The following ZNF33B variants were observed in gnomAD, a reference collection of about 807,000 sequenced individuals.
ZNF33B encodes the protein zinc finger protein 33B.
A neutral mutation model predicts 45.8 loss-of-function variants in ZNF33B; 29 were observed. That is an observed-to-expected ratio of 0.63 (90% CI 0.47 to 0.86). The LOEUF (loss-of-function observed/expected upper bound fraction) is 0.86. Among genes scored for constraint, ZNF33B ranks in the 40% least tolerant of loss-of-function variants. The pLI, the probability that ZNF33B is intolerant of heterozygous loss-of-function variation, is 0.00. For synonymous variants in ZNF33B, 305 were observed against 307.8 expected (o/e 0.99, Z 0.10); for missense variants, 831 against 909.9 (o/e 0.91, Z 1.12).
chr10:42,623,685 G>A (rs1041825873), intron 4 of ZNF33B, among the ~76,000 whole-genome samples: 10 of 152,202 alleles, frequency 6.6e-5, no homozygotes, highest in African/African-American at 2.4e-4. Flanking sequence ...GGGGGAATGA[G>A]TAGTTACTGC....
intron 4 of ZNF33B, among the ~76,000 whole-genome samples, chr10:42,630,733 T>C (rs753820754): frequency 6.6e-6 from 1 of 152,178 alleles, no homozygotes. Context: ...CCCTGCCCAA[T>C]ATTTTCTCTA....
intron 4 of ZNF33B, among the ~76,000 whole-genome samples, chr10:42,602,306 ATTTG>A (rs1490918809): frequency 7.0e-6 from 1 of 142,548 alleles, no homozygotes; most frequent in Non-Finnish European, 1.5e-5. Flanking sequence ...CTGAATTTTG[ATTTG>A]TTTTTTTTTT....
At chr10:42,613,272 A>C (rs1838175625) in intron 4 of ZNF33B, among the ~76,000 whole-genome samples, 1 of 152,170 alleles carries the variant, frequency 6.6e-6, no homozygotes, top group African/African-American at 2.4e-5. Context: ...AAGGCCAGGC[A>C]TGGTGGCTCT....
intron 4 of ZNF33B, among the ~76,000 whole-genome samples, chr10:42,598,912 A>T (rs1456521398): frequency 1.3e-5 from 2 of 152,214 alleles, no homozygotes. Context: ...AGAATGATTT[A>T]GGAAGTATTC....
At chr10:42,626,472 A>G (rs1401871600) in intron 4 of ZNF33B, among the ~76,000 whole-genome samples, 1 of 152,042 alleles carries the variant, frequency 6.6e-6, no homozygotes, top group African/African-American at 2.4e-5. Context: ...GGCGGACCAC[A>G]AGGTCAGGAG....
intron 1 of ZNF33B, among the ~76,000 whole-genome samples, chr10:42,574,930 G>A (rs1468552441): frequency 2.0e-5 from 3 of 152,166 alleles, no homozygotes; most frequent in African/African-American, 7.2e-5. Flanking sequence ...GGTGCTGAGG[G>A]AGATGCCTCT....
chr10:42,592,986 T>G lies in ZNF33B; in HGVS notation c.1964A>C (p.His655Pro). Residue 655 changes from histidine (H) to proline (P), a missense_variant, in exon 5 of 5, where the codon CAT becomes CCT. By Grantham distance (77) the His-to-Pro change is moderately conservative. Transcript: ENST00000359467. ...CTTTTCTTGTGTATGGGTTCTCTGATGTACAATTAGAGCTGACTTATGGCA... is the reference window on the plus strand; with the variant it reads ...CTTTTCTTGTGTATGGGTTCTCTGAGGTACAATTAGAGCTGACTTATGGCA... The part of the protein sequence containing the change: ...AFCHKSALIV[H>P]QRTHTQEKPY... The G allele has an allele frequency of 6.2e-7, 1 of 1,614,090 alleles. No homozygotes were observed. The highest frequency in any genetic ancestry group is 8.5e-7 in the Non-Finnish European group (1 of 1,179,996).
intron 1 of ZNF33B, among the ~76,000 whole-genome samples, chr10:42,637,941 C>T (rs2132187797): frequency 6.6e-6 from 1 of 152,298 alleles, no homozygotes; most frequent in South Asian, 2.1e-4. Context: ...AGAGAGCCAC[C>T]GCGCTAGGCC....
intron 2 of ZNF33B, 176 bp downstream of exon 2, chr10:42,636,744 C>G (rs933819008): frequency 3.8e-6 from 3 of 787,550 alleles, no homozygotes. Context: ...TGCTTGAACC[C>G]AGGAGGCAGA....
At chr10:42,601,671 G>A (rs925689049) in intron 4 of ZNF33B, among the ~76,000 whole-genome samples, 7 of 151,272 alleles carry the variant, frequency 4.6e-5, no homozygotes, top group African/African-American at 1.7e-4. Context: ...ACAGGGTTTT[G>A]CCACGTTCGC....
downstream of ZNF33B, among the ~76,000 whole-genome samples, chr10:42,586,046 A>G (rs1325652426): frequency 5.3e-5 from 8 of 152,120 alleles, no homozygotes; most frequent in Admixed American, 5.2e-4. Context: ...TGTTATTACT[A>G]CACACAGACA....
Position 42,592,904 on chromosome 10 carries a change from T to G in ZNF33B, c.2046A>C (p.Leu682Phe), listed in dbSNP as rs192496212. ...TCTCCCCCGTGTGCTTTCTCTCATG[T>G]AAAATAAGTCCTGACTTCACACAGA... ...KSFCVKSGLILHERKHTGEKP... is the reference protein window; with the variant it reads ...KSFCVKSGLIFHERKHTGEKP... Residue 682 changes from leucine to phenylalanine, a missense_variant, in exon 5 of 5, where the codon TTA becomes TTC. Physicochemically the swap from Leu to Phe is conservative, Grantham distance 22. Coordinates refer to ENST00000359467, the MANE Select transcript of ZNF33B (RefSeq NM_006955.3). 8.1e-6 allele frequency: 13 copies of G among 1,613,982 alleles called. No homozygotes were observed. The highest frequency in any genetic ancestry group is 3.3e-5 in the Admixed American group (2 of 60,016).
At chr10:42,609,228 C>T (rs1420321296) in intron 4 of ZNF33B, among the ~76,000 whole-genome samples, 1 of 152,082 alleles carries the variant, frequency 6.6e-6, no homozygotes, top group Admixed American at 6.6e-5. Context: ...CCAGCCCAGG[C>T]AACATGGTGA....
In ZNF33B at chr10:42,594,358, T is replaced by C; in HGVS notation, c.592A>G (p.Asn198Asp). The change falls in exon 5 of 5, where the codon AAC (asparagine) becomes GAC (aspartate). Residue 198 changes from asparagine to aspartate, a missense_variant. Asn to Asp is a conservative substitution (Grantham distance 23). Transcript: ENST00000359467. Reference sequence around the variant, plus strand: ...GTGTTCTCACGATGACTCAGAGTGTTCCTATTTTTCAAAACTTCATTTTTC... The same window carrying C: ...GTGTTCTCACGATGACTCAGAGTGTCCCTATTTTTCAAAACTTCATTTTTC... ...REKNEVLKNR[N>D]TLSHRENTLQ... The C allele has an allele frequency of 6.2e-7, 1 of 1,613,914 alleles. No individual in the cohort carries two copies. The highest frequency in any genetic ancestry group is 8.5e-7 in the Non-Finnish European group (1 of 1,179,878).
At chr10:42,634,103 TAATC>T (rs1839179444) in intron 2 of ZNF33B, among the ~76,000 whole-genome samples, 1 of 150,858 alleles carries the variant, frequency 6.6e-6, no homozygotes, top group South Asian at 2.1e-4. Context: ...GGAAAGAAAA[TAATC>T]AAGAATGGAA....
intron 4 of ZNF33B, among the ~76,000 whole-genome samples, chr10:42,606,988 T>G (rs1374769494): frequency 3.3e-5 from 5 of 152,146 alleles, no homozygotes; most frequent in Admixed American, 6.5e-5. Context: ...CCAACAAGCA[T>G]TTCCTTTGAG....
chr10:42,626,682 C>G (rs1335824790), intron 4 of ZNF33B, among the ~76,000 whole-genome samples: 1 of 110,400 alleles, frequency 9.1e-6, no homozygotes, highest in Non-Finnish European at 2.0e-5. Context: ...AACAAGACTC[C>G]ATCTAAATAA....
chr10:42,636,765 T>C (rs1343283614), intron 2 of ZNF33B, 155 bp downstream of exon 2: 23 of 962,452 alleles, frequency 2.4e-5, no homozygotes, highest in Non-Finnish European at 3.3e-5. Context: ...GGTTGCAAGG[T>C]TGCAGTGAAC....
At chr10:42,637,867 G>C (rs571287078) in intron 1 of ZNF33B, among the ~76,000 whole-genome samples, 2 of 152,132 alleles carry the variant, frequency 1.3e-5, no homozygotes, top group Non-Finnish European at 2.9e-5. Context: ...TGGTCAGGCT[G>C]GTCTCGAATT....
Sources: gnomAD v4.1 joint callset for allele counts (sites outside exome capture counted in the v4.1 genomes callset) on GRCh38, gnomAD v4.1.1 for gene constraint, MANE v1.5 for transcripts, NCBI Gene and HGNC (gene_info 2026-07-23, HGNC 2026-07-21) for gene names.